SCOC: variants seen among roughly 807,000 people sequenced by gnomAD.
SCOC encodes the protein short coiled-coil protein.
SCOC carries 7 observed loss-of-function variants against 9.9 expected under a neutral mutation model. The observed-to-expected ratio is 0.71, with a 90% CI of 0.40 to 1.33. SCOC has a LOEUF of 1.33. SCOC is among the 40% of genes most tolerant of loss of function. The probability of loss-of-function intolerance (pLI) is 0.01; values close to 1 mark genes in which losing one functional copy is unlikely to be tolerated. For missense variants in SCOC, 66 were observed against 89.7 expected (o/e 0.74, Z 1.07); for synonymous variants, 19 against 28.2 (o/e 0.67, Z 1.03).
chr4:140,379,033 C>G (rs978670947), intron 1 of SCOC, 88 bp from the exon 2 acceptor site: 1 of 811,060 alleles, frequency 1.2e-6, no homozygotes, highest in Admixed American at 1.8e-5. Flanking sequence ...CCTACTATGT[C>G]ATAGTTAACA....
At chr4:140,315,234 T>C (rs1732281033) in intron 1 of SCOC, among the ~76,000 whole-genome samples, 1 of 152,210 alleles carries the variant, frequency 6.6e-6, no homozygotes, top group Admixed American at 6.5e-5. Flanking sequence ...GACCTCTGAG[T>C]AACAGTACAA....
At chr4:140,266,962 T>C (rs890940684) in intron 1 of SCOC, among the ~76,000 whole-genome samples, 3 of 152,164 alleles carry the variant, frequency 2.0e-5, no homozygotes, top group Non-Finnish European at 4.4e-5. Flanking sequence ...CCCTACAAGC[T>C]CTTCTGCAAA....
chr4:140,308,450 G>A (rs1413436452), intron 1 of SCOC, among the ~76,000 whole-genome samples: 1 of 152,158 alleles, frequency 6.6e-6, no homozygotes, highest in Non-Finnish European at 1.5e-5. Flanking sequence ...AGCCAGGGCC[G>A]AGCAGAGGAT....
At chr4:140,317,804 C>T (rs1216877668) in intron 1 of SCOC, among the ~76,000 whole-genome samples, 5 of 150,256 alleles carry the variant, frequency 3.3e-5, no homozygotes, top group East Asian at 2.0e-4. Context: ...CCCACTAACT[C>T]GTCATCTAGC....
chr4:140,294,314 A>C (rs901076263), intron 1 of SCOC, among the ~76,000 whole-genome samples: 4 of 152,236 alleles, frequency 2.6e-5, no homozygotes, highest in East Asian at 1.9e-4. Context: ...AGTAACCTGC[A>C]TAATAATTCT....
In SCOC at chr4:140,373,937, G is replaced by A. The variant is rs1302785433; in HGVS notation, c.-51+220G>A. On this transcript the variant is annotated intron_variant, in intron 1 of 3. Transcript: ENST00000608372. ...CTTTTTCTCCTGTTTTCGTTGTCAG[G>A]CCCAGGCGTTCTTTGGGAGAGGGAC... 5.8e-6 allele frequency: 4 copies of A among 694,488 alleles called. No individual in the cohort carries two copies. In the South Asian group the frequency reaches 6.0e-5, roughly 10 times the overall value. The allele number at this position is 694,488 out of a possible 1,614,324, so 43.0% of individuals were successfully genotyped here.
At chr4:140,376,988 A>C (rs358308) in intron 1 of SCOC, among the ~76,000 whole-genome samples, 5,873 of 152,306 alleles carry the variant, frequency 0.039, 144 homozygotes, top group South Asian at 0.094. Context: ...GTAGCCTTAA[A>C]ATCATTGGAT....
chr4:140,307,203 T>G (rs1434267353), intron 1 of SCOC, among the ~76,000 whole-genome samples: 2 of 152,228 alleles, frequency 1.3e-5, no homozygotes, highest in African/African-American at 4.8e-5. Context: ...TATACATTTC[T>G]GTTGCCTATA....
At chr4:140,295,541 A>G (rs1481486296) in intron 1 of SCOC, among the ~76,000 whole-genome samples, 1 of 152,160 alleles carries the variant, frequency 6.6e-6, no homozygotes, top group Non-Finnish European at 1.5e-5. Context: ...GGGCTGAAAG[A>G]CAGAAAGAAC....
At chr4:140,320,935 G>T (rs188533461) in intron 1 of SCOC, among the ~76,000 whole-genome samples, 1 of 152,088 alleles carries the variant, frequency 6.6e-6, no homozygotes, top group African/African-American at 2.4e-5. Flanking sequence ...CTGATGCTTC[G>T]TAAGAATATA....
intron 1 of SCOC, among the ~76,000 whole-genome samples, chr4:140,274,995 C>T (rs757769400): frequency 6.6e-6 from 1 of 152,158 alleles, no homozygotes; most frequent in African/African-American, 2.4e-5. Context: ...ATTTTATCTT[C>T]CCCATCTCTG....
chr4:140,261,280 TC>T lies in SCOC; in HGVS notation c.-19+3872del, dbSNP rs1456802623. Among the ~76,000 whole-genome samples the T allele has an allele frequency of 2.0e-5, 3 of 152,312 alleles. No individual in the cohort carries two copies. The East Asian group carries it at 5.8e-4, about 29-fold the overall frequency. On this transcript the variant is annotated intron_variant, in intron 1 of 4. Transcript: ENST00000394205. ...ATGTAACATGCCCCCTTGCTCTGGCTCCTGACTCTGTGCCTTTAGGGCTAAT... is the reference window on the plus strand; with the variant it reads ...ATGTAACATGCCCCCTTGCTCTGGCTCTGACTCTGTGCCTTTAGGGCTAAT...
At chr4:140,303,943 T>C (rs539988943) in intron 1 of SCOC, among the ~76,000 whole-genome samples, 2 of 152,358 alleles carry the variant, frequency 1.3e-5, no homozygotes, top group South Asian at 4.1e-4. Context: ...CAACAAATTC[T>C]AATGGAAAGT....
chr4:140,277,291 AC>A (rs977483036), intron 1 of SCOC, among the ~76,000 whole-genome samples: 3 of 151,264 alleles, frequency 2.0e-5, no homozygotes, highest in African/African-American at 7.3e-5. Flanking sequence ...TAGGCTGCAG[AC>A]CCCCCTCCCC....
At chr4:140,284,937 G>T in intron 1 of SCOC, 2 of 236,246 alleles carry the variant, frequency 8.5e-6, no homozygotes, top group Non-Finnish European at 1.7e-5. Context: ...ATCATTAATG[G>T]CTTAGTGTAA....
rs1728627853 is a variant in SCOC at position 140,383,483 on chromosome 4, G to A, written c.*2379G>A. 1 of 152,340 alleles carries A rather than the reference G, an allele frequency of 6.6e-6. No homozygotes were observed. Among genetic ancestry groups the A allele is most frequent in the African/African-American group, 2.4e-5 (1 of 41,576 alleles). 9.4% of individuals were successfully genotyped at this position (152,340 alleles called of 1,614,324 possible). ...TGGAATAAAGGGAAACGTAAAAATT[G>A]TGGAATGCTCCTGGGAGATGTATGA... On this transcript the variant is annotated 3_prime_UTR_variant, in exon 4 of 4. Transcript: ENST00000608372.
chr4:140,270,845 C>G (rs888124255), intron 1 of SCOC, among the ~76,000 whole-genome samples: 1 of 152,134 alleles, frequency 6.6e-6, no homozygotes, highest in African/African-American at 2.4e-5. Flanking sequence ...AATAAAAAGA[C>G]CTGCTTGATA....
chr4:140,346,356 C>T (rs181857602), intron 2 of SCOC, among the ~76,000 whole-genome samples: 113 of 152,260 alleles, frequency 7.4e-4, no homozygotes, highest in Admixed American at 1.1e-3. Context: ...TACAGAGGCT[C>T]TCACACAAGG....
At chr4:140,343,948 C>CAT (rs3086765) in intron 2 of SCOC, among the ~76,000 whole-genome samples, 87,197 of 151,716 alleles carry the variant, frequency 0.57, 26,946 homozygotes, top group Non-Finnish European at 0.71. Context: ...TAAATAAAAA[C>CAT]AAAATATTTC....
Sources: allele counts gnomAD v4.1 joint callset (sites outside exome capture counted in the v4.1 genomes callset), GRCh38; gene constraint gnomAD v4.1.1; transcripts MANE v1.5; gene names NCBI Gene and HGNC (gene_info 2026-07-23, HGNC 2026-07-21).